Variants in C11orf65 observed in about 807,000 individuals in gnomAD.
The protein encoded by C11orf65 is chromosome 11 open reading frame 65, also known as protein MFI.
In C11orf65, 38 loss-of-function variants were observed where a neutral mutation model predicts 35.3. The ratio of observed to expected loss-of-function variants is 1.08; its 90% CI spans 0.83 to 1.41. The LOEUF is 1.41. Ranked by LOEUF, C11orf65 falls within the 40% of genes most tolerant of loss-of-function variation. The pLI is 0.00. For synonymous variants in C11orf65, 105 were observed against 114.4 expected, an observed-to-expected ratio of 0.92 and a Z score of 0.53; for missense variants, 370 against 367.1, an observed-to-expected ratio of 1.01 and a Z score of -0.06.
intron 2 of C11orf65, among the ~76,000 whole-genome samples, chr11:108,443,473 A>T (rs534406626): frequency 6.6e-6 from 1 of 152,292 alleles, no homozygotes; most frequent in South Asian, 2.1e-4. Context: ...CACCAAGCAG[A>T]CCTCATAGAC....
rs2136017191 is a variant in C11orf65, at chr11:108,310,268, T to C, written c.641-1197A>G. On this transcript the variant is annotated intron_variant, in intron 6 of 6. Coordinates refer to the C11orf65 transcript ENST00000525729. Reference sequence around the variant, plus strand: ...CTGCTCACTTTACAGCTTTACTCTATGCAGAAATCTATGCAGATAAGAAAA... The same window carrying C: ...CTGCTCACTTTACAGCTTTACTCTACGCAGAAATCTATGCAGATAAGAAAA... The C allele has an allele frequency of 1.9e-6, 3 of 1,613,578 alleles. No individual in the cohort carries two copies. Among genetic ancestry groups the C allele is most frequent in the South Asian group, 1.1e-5 (1 of 91,072 alleles).
intron 2 of C11orf65, among the ~76,000 whole-genome samples, chr11:108,446,506 C>G (rs1471017072): frequency 3.3e-5 from 5 of 151,804 alleles, no homozygotes; most frequent in East Asian, 1.9e-4. Flanking sequence ...GAATTTTCAA[C>G]CCAGAATTTC....
At chr11:108,309,843 C>G (rs1171631924) in intron 6 of C11orf65, among the ~76,000 whole-genome samples, 1 of 152,018 alleles carries the variant, frequency 6.6e-6, no homozygotes, top group Non-Finnish European at 1.5e-5. Flanking sequence ...GTATCCTATT[C>G]TTAGTCTGTG....
chr11:108,314,856 G>C (rs2084483790), intron 6 of C11orf65, among the ~76,000 whole-genome samples: 1 of 152,160 alleles, frequency 6.6e-6, no homozygotes, highest in African/African-American at 2.4e-5. Context: ...TTACAGAACT[G>C]TACTGTGTTT....
chr11:108,365,066 T>C lies in C11orf65; in HGVS notation c.226+28142A>G, dbSNP rs1565607217. On this transcript the variant is annotated intron_variant, in intron 2 of 3. Coordinates refer to the C11orf65 transcript ENST00000524755. ...ATGTACATTGTTCTTTTAATACATA[T>C]GTTCTCTCTGTTTAGGTCCTTCTAT... 2 of 1,613,196 alleles carry C rather than the reference T, an allele frequency of 1.2e-6. No individual in the cohort carries two copies. The highest frequency in any genetic ancestry group is 1.7e-6 in the Non-Finnish European group (2 of 1,179,216).
intron 5 of C11orf65, 119 bp downstream of exon 5, chr11:108,406,644 T>C (rs1315095856): frequency 1.0e-5 from 7 of 687,254 alleles, no homozygotes; most frequent in Non-Finnish European, 1.5e-5. Flanking sequence ...TTAAGCAAAA[T>C]TTATCAATTA....
chr11:108,384,241 T>C (rs961331638), intron 8 of C11orf65, among the ~76,000 whole-genome samples: 2 of 152,136 alleles, frequency 1.3e-5, no homozygotes, highest in African/African-American at 4.8e-5. Flanking sequence ...TTGGAGGCTA[T>C]TGCAGAAGCC....
In C11orf65 at chr11:108,317,615, TTATATATATATATATATATA is replaced by T. The variant is rs376158749; in HGVS notation, c.641-8564_641-8545del. 3.1e-4 allele frequency: 66 copies of T among 215,338 alleles called. 10 individuals are homozygous for T. The highest frequency in any genetic ancestry group is 4.1e-4 in the East Asian group (3 of 7,294). 13.3% of individuals were successfully genotyped at this position (215,338 alleles called of 1,614,324 possible). A position where few individuals can be genotyped will look rare whatever the true frequency, so the allele number is the denominator to read the frequency against. ...TTCTATGAATATAACAGGAGTTGTT[TTATATATATATATATATATA>T]TATATATATATATATATACACACAC... On this transcript the variant is annotated intron_variant, in intron 6 of 6. Transcript: ENST00000525729.
intron 2 of C11orf65, chr11:108,347,427 G>C: frequency 7.6e-7 from 1 of 1,322,474 alleles, no homozygotes; most frequent in Non-Finnish European, 1.1e-6. Context: ...ATGGAATGTT[G>C]TTTGCCTACC....
At chr11:108,321,221 CTT>C (rs1044074566) in intron 6 of C11orf65, 43 of 1,580,398 alleles carry the variant, frequency 2.7e-5, no homozygotes, top group Middle Eastern at 2.1e-4. Context: ...GATGAGAACT[CTT>C]TAACAACAAA....
chr11:108,452,231 GGA>G (rs1400417837), intron 2 of C11orf65, among the ~76,000 whole-genome samples: 1 of 151,912 alleles, frequency 6.6e-6, no homozygotes, highest in Non-Finnish European at 1.5e-5. Context: ...CTACAGAATG[GGA>G]GAAAATTTTT....
At chr11:108,312,025 G>A (rs2084206241) in intron 6 of C11orf65, among the ~76,000 whole-genome samples, 1 of 152,072 alleles carries the variant, frequency 6.6e-6, no homozygotes, top group Non-Finnish European at 1.5e-5. Flanking sequence ...TATCTGTTAA[G>A]TATTAAATTC....
chr11:108,457,669 T>C (rs1461035834), intron 2 of C11orf65, among the ~76,000 whole-genome samples: 2 of 152,146 alleles, frequency 1.3e-5, no homozygotes, highest in African/African-American at 2.4e-5. Context: ...AAACGGTTGC[T>C]TTTAGTGTAT....
chr11:108,385,823 G>T, intron 8 of C11orf65, 97 bp downstream of exon 8: 1 of 945,930 alleles, frequency 1.1e-6, no homozygotes, highest in Non-Finnish European at 1.7e-6. Flanking sequence ...TATATACTAT[G>T]CAGATTACTG....
At chr11:108,416,007 C>T (rs1258948550) in intron 3 of C11orf65, among the ~76,000 whole-genome samples, 1 of 152,040 alleles carries the variant, frequency 6.6e-6, no homozygotes, top group Non-Finnish European at 1.5e-5. Context: ...AAATGCAAAA[C>T]TATATAACTC....
At chr11:108,336,867 T>G (rs2086912036) in intron 2 of C11orf65, among the ~76,000 whole-genome samples, 1 of 152,060 alleles carries the variant, frequency 6.6e-6, no homozygotes, top group South Asian at 2.1e-4. Context: ...TTTAACCAGT[T>G]TAGAAATAAC....
At chr11:108,356,988 G>C (rs1297583837) in intron 2 of C11orf65, among the ~76,000 whole-genome samples, 1 of 152,232 alleles carries the variant, frequency 6.6e-6, no homozygotes, top group Non-Finnish European at 1.5e-5. Context: ...CTCCCAGCGT[G>C]AGCGATGCAG....
rs868643478 is a variant in C11orf65, at chr11:108,317,656, C to T, written c.641-8585G>A. 8.3e-3 allele frequency: 1,388 copies of T among 168,176 alleles called. 17 individuals are homozygous for T. Among genetic ancestry groups the T allele is most frequent in the African/African-American group, 0.053 (1,194 of 22,692 alleles). 10.4% of individuals were successfully genotyped at this position (168,176 alleles called of 1,614,324 possible). A position where few individuals can be genotyped will look rare whatever the true frequency, so the allele number is the denominator to read the frequency against. On this transcript the variant is annotated intron_variant, in intron 6 of 6. Coordinates refer to the C11orf65 transcript ENST00000525729. ...ATATATATATATATATATATATACA[C>T]ACACACACACACACACACTATATAT... is the stretch of plus-strand genomic sequence containing the variant.
intron 2 of C11orf65, chr11:108,343,343 G>C (rs1203037698): frequency 6.2e-7 from 1 of 1,613,908 alleles, no homozygotes; most frequent in South Asian, 1.1e-5. Flanking sequence ...AATGATTTCA[G>C]TGCCTTTCAG....
Sources: allele counts gnomAD v4.1 joint callset (sites outside exome capture counted in the v4.1 genomes callset), GRCh38; gene constraint gnomAD v4.1.1; transcripts MANE v1.5; gene names NCBI Gene and HGNC (gene_info 2026-07-23, HGNC 2026-07-21).